Variants in BARHL2 observed in about 807,000 individuals in gnomAD.
The protein encoded by BARHL2 is BarH like homeobox 2, also known as barH-like 2 homeobox protein.
A neutral mutation model predicts 27.1 loss-of-function variants in BARHL2; 10 were observed. The ratio of observed to expected loss-of-function variants is 0.37; its 90% confidence interval spans 0.23 to 0.63. The LOEUF (loss-of-function observed/expected upper bound fraction) is 0.63. BARHL2 is among the 20% of genes least tolerant of loss of function. The pLI is 0.65. For missense variants in BARHL2, 483 were observed against 533.5 expected (o/e 0.91, Z 0.93); for synonymous variants, 248 against 224.7 (o/e 1.10, Z -0.93).
rs369627381 is a variant in BARHL2 at position 90,717,025 on chromosome 1, G to C, written c.171C>G (p.Thr57=). 3 of 1,613,872 alleles carry C rather than the reference G, an allele frequency of 1.9e-6. No homozygotes were observed. The highest frequency in any genetic ancestry group is 4.5e-5 in the East Asian group (2 of 44,840). The part of the protein sequence containing the change: ...ATPSPCSEID[T]VGTAPSSPIS... The stretch of plus-strand genomic sequence containing the variant: ...TAGGAGAAGAAGGCGCCGTCCCTAC[G>C]GTATCAATCTCCGAACAGGGAGATG... The change falls in exon 1 of 3, where the codon ACC becomes ACG. Residue 57 remains threonine (T), a synonymous_variant. Coordinates refer to ENST00000370445, the MANE Select transcript of BARHL2 (RefSeq NM_020063.2).
In BARHL2 at chr1:90,716,998, G is replaced by A. The variant is rs1173144731; in HGVS notation, c.198C>T (p.Ile66=). ...DTVGTAPSSP[I]SVTMEPPEPH... is the part of the protein sequence containing the mutation. ...GCTCCGGGGGCTCCATGGTGACTGA[G>A]ATAGGAGAAGAAGGCGCCGTCCCTA... is the stretch of plus-strand genomic sequence containing the variant. Residue 66 remains isoleucine, a synonymous_variant, in exon 1 of 3, where the codon ATC becomes ATT. Coordinates refer to ENST00000370445, the MANE Select transcript of BARHL2 (RefSeq NM_020063.2). The A allele has an allele frequency of 6.2e-7, 1 of 1,613,878 alleles. No homozygotes were observed.
chr1:90,712,601 G>A lies in BARHL2; in HGVS notation c.875C>T (p.Ala292Val), dbSNP rs964944149. The change falls in exon 3 of 3, where the codon GCG becomes GTG. Residue 292 changes from alanine to valine, a missense_variant. Coordinates refer to ENST00000370445, the MANE Select transcript of BARHL2 (RefSeq NM_020063.2). ...NRRTKWKRQTAVGLELLAEAG... is the reference protein window; with the variant it reads ...NRRTKWKRQTVVGLELLAEAG... The stretch of plus-strand genomic sequence containing the variant: ...CTCGGCCAGCAACTCCAGGCCCACC[G>A]CTGTCTGCCGCTTCCACTTGGTCCT... 1.2e-6 allele frequency: 2 copies of A among 1,608,106 alleles called. No homozygotes were observed. The highest frequency in any genetic ancestry group is 1.7e-6 in the Non-Finnish European group (2 of 1,175,886).
chr1:90,712,082 TG>T lies in BARHL2; in HGVS notation c.*229del, dbSNP rs917268422. 3.6e-5 allele frequency: 15 copies of T among 416,590 alleles called. No individual in the cohort carries two copies. Among genetic ancestry groups the T allele is most frequent in the Non-Finnish European group, 6.3e-5 (15 of 238,972 alleles). The allele number at this position is 416,590 out of a possible 1,614,324, so 25.8% of individuals were successfully genotyped here. On this transcript the variant is annotated 3_prime_UTR_variant, in exon 3 of 3. Transcript: ENST00000370445. Reference sequence around the variant, plus strand: ...AGCATTTTCACCAGTCACACTGCTGTGGGGGAGATTTCCAGCCCTGTTTCTA... The same window carrying T: ...AGCATTTTCACCAGTCACACTGCTGTGGGGAGATTTCCAGCCCTGTTTCTA...
chr1:90,716,866 T>C lies in BARHL2; in HGVS notation c.330A>G (p.Gln110=). The stretch of plus-strand genomic sequence containing the variant: ...GCTGTGGCGGCAGCGGCTGCTGCTG[T>C]TGGGGCAAAGGCTGCAAACTTTGCG... ...APTQSLQPLP[Q]QQQPLPPQQP... Residue 110 remains glutamine (Q), a synonymous_variant, in exon 1 of 3, where the codon CAA becomes CAG. Transcript: ENST00000370445. 5 of 1,565,414 alleles carry C rather than the reference T, an allele frequency of 3.2e-6. No individual in the cohort carries two copies. Among genetic ancestry groups the C allele is most frequent in the Non-Finnish European group, 4.3e-6 (5 of 1,156,542 alleles).
In BARHL2 at chr1:90,717,260, C is replaced by T. The variant is rs1658171850; in HGVS notation, c.-65G>A. On this transcript the variant is annotated 5_prime_UTR_variant, in exon 1 of 3. Coordinates refer to ENST00000370445, the MANE Select transcript of BARHL2 (RefSeq NM_020063.2). ...GCCCCGAACCAGCGAAGAAAGCTAT[C>T]GATCGTAAAACAAAATAAACACCAA... The T allele has an allele frequency of 3.2e-6, 5 of 1,559,728 alleles. No individual in the cohort carries two copies. The East Asian group carries it at 7.0e-5, about 22-fold the overall frequency.
At position 90,716,981 on chromosome 1, in the gene BARHL2, G is replaced by T. The variant is rs1465957288; in HGVS notation, c.215C>A (p.Pro72His). The stretch of plus-strand genomic sequence containing the variant: ...GTCTGCTACCAGATGCGGCTCCGGG[G>T]GCTCCATGGTGACTGAGATAGGAGA... ...PSSPISVTME[P>H]PEPHLVADAT... is the part of the protein sequence containing the mutation. Residue 72 changes from proline (P) to histidine (H), a missense_variant, in exon 1 of 3, where the codon CCC (proline) becomes CAC (histidine). Pro to His is a moderately conservative substitution (Grantham distance 77, BLOSUM62 -2). Coordinates refer to ENST00000370445, the MANE Select transcript of BARHL2 (RefSeq NM_020063.2). The T allele has an allele frequency of 6.2e-7, 1 of 1,613,510 alleles. No homozygotes were observed. The highest frequency in any genetic ancestry group is 8.5e-7 in the Non-Finnish European group (1 of 1,179,836).
intron 2 of BARHL2, among the ~76,000 whole-genome samples, chr1:90,713,830 G>C (rs970660876): frequency 2.6e-5 from 4 of 152,240 alleles, no homozygotes; most frequent in African/African-American, 9.6e-5. Flanking sequence ...AGCAGTGCCA[G>C]GCAGGCTCTG....
chr1:90,713,964 C>A (rs4146668), intron 2 of BARHL2, among the ~76,000 whole-genome samples: 13,583 of 152,268 alleles, frequency 0.089, 1,234 homozygotes, highest in East Asian at 0.24. Context: ...GGCTGCCAAA[C>A]CTACTCTAAC....
At position 90,714,638 on chromosome 1, in the gene BARHL2, C is replaced by T. The variant is rs1557467176; in HGVS notation, c.744G>A (p.Glu248=). The T allele has an allele frequency of 3.1e-6, 5 of 1,614,132 alleles. No individual in the cohort carries two copies. The highest frequency in any genetic ancestry group is 1.3e-5 in the African/African-American group (1 of 74,944). The part of the protein sequence containing the change: ...AFSDHQLNQL[E]RSFERQKYLS... ...GGTACTTCTGCCGCTCAAAGCTACG[C>T]TCCAGTTGATTGAGCTGGTGGTCGG... The change falls in exon 2 of 3, where the codon GAG becomes GAA. Residue 248 remains glutamate (E), a synonymous_variant. Transcript: ENST00000370445.
intron 2 of BARHL2, 62 bp from the exon 3 acceptor site, chr1:90,712,686 C>G (rs923041135): frequency 4.7e-6 from 7 of 1,479,104 alleles, no homozygotes; most frequent in Non-Finnish European, 5.4e-6. Context: ...CACCAAGACC[C>G]GGCCCCTTCT....
rs373178647 is a variant in BARHL2 at position 90,717,156 on chromosome 1, C to A, written c.40G>T (p.Asp14Tyr). The A allele has an allele frequency of 7.7e-5, 124 of 1,613,614 alleles. No homozygotes were observed. The highest frequency in any genetic ancestry group is 1.0e-4 in the Non-Finnish European group (122 of 1,179,944). The change falls in exon 1 of 3, where the codon GAC becomes TAC. Residue 14 changes from aspartate to tyrosine, a missense_variant. Physicochemically the swap from Asp to Tyr is radical, Grantham distance 160. Around this residue, in one of 3 missense-constraint regions of BARHL2, gnomAD observed 304 missense variants for 284.9 expected, o/e 1.07. Coordinates refer to ENST00000370445, the MANE Select transcript of BARHL2 (RefSeq NM_020063.2). ...GAACTGGCACTGGACAAAATCGTGT[C>A]TATTCCAAAACTCGACCCGCTGGCC... ...EGASGSSFGI[D>Y]TILSSASSGS... is the part of the protein sequence containing the mutation.
rs1429052932 is a variant in BARHL2, at chr1:90,711,885, C to T, written c.*427G>A. On this transcript the variant is annotated 3_prime_UTR_variant, in exon 3 of 3. Coordinates refer to ENST00000370445, the MANE Select transcript of BARHL2 (RefSeq NM_020063.2). ...CTTTGCCTCAGCACTTGAGGCTGTCCATATATAGTTCACTCTGCCTGTGCT... is the reference window on the plus strand; with the variant it reads ...CTTTGCCTCAGCACTTGAGGCTGTCTATATATAGTTCACTCTGCCTGTGCT... 2 of 154,768 alleles carry T rather than the reference C, an allele frequency of 1.3e-5. No individual in the cohort carries two copies. The highest frequency in any genetic ancestry group is 4.8e-5 in the African/African-American group (2 of 41,502). 9.6% of individuals were successfully genotyped at this position (154,768 alleles called of 1,614,324 possible). A position where few individuals can be genotyped will look rare whatever the true frequency, so the allele number is the denominator to read the frequency against.
chr1:90,715,951 A>C (rs1026731560), intron 1 of BARHL2, among the ~76,000 whole-genome samples: 10 of 152,286 alleles, frequency 6.6e-5, no homozygotes, highest in African/African-American at 2.4e-4. Flanking sequence ...GGATACAGAT[A>C]CTCAGTTGAG....
At position 90,716,117 on chromosome 1, in the gene BARHL2, G is replaced by GT. The variant is rs34288274; in HGVS notation, c.625+453_625+454insA. ...TGTGATGATGTTAAGAAAATAAAGTGGGGGGGGGGTGAAATCACTTGTACT... is the reference window on the plus strand; with the variant it reads ...TGTGATGATGTTAAGAAAATAAAGTGTGGGGGGGGGTGAAATCACTTGTACT... On this transcript the variant is annotated intron_variant, in intron 1 of 2. Transcript: ENST00000370445. Among the ~76,000 whole-genome samples the GT allele has an allele frequency of 9.5e-5, 3 of 31,626 alleles. 1 individual carries two copies. In the East Asian group the frequency reaches 1.8e-3, roughly 19 times the overall value. 20.7% of individuals were successfully genotyped at this position (31,626 alleles called of 152,430 possible). A position where few individuals can be genotyped will look rare whatever the true frequency, so the allele number is the denominator to read the frequency against.
rs201396859 is a variant in BARHL2 at position 90,716,678 on chromosome 1, T to C, written c.518A>G (p.Gln173Arg). 49 of 1,613,226 alleles carry C rather than the reference T, an allele frequency of 3.0e-5. No homozygotes were observed. The Admixed American group carries it at 5.5e-4, about 18-fold the overall frequency. The stretch of plus-strand genomic sequence containing the variant: ...GCTCTCGTGCACTGCGTTGCTCTCC[T>C]GCTTCGGGGTGTGGTGGGGAGAGGA... ...SVSSPHHTPK[Q>R]ESNAVHESFR... Residue 173 changes from glutamine to arginine, a missense_variant, in exon 1 of 3, where the codon CAG becomes CGG. Gln to Arg is a conservative substitution (Grantham distance 43, BLOSUM62 1). Coordinates refer to ENST00000370445, the MANE Select transcript of BARHL2 (RefSeq NM_020063.2).
chr1:90,712,480 C>A lies in BARHL2; in HGVS notation c.996G>T (p.Ala332=). The change falls in exon 3 of 3, where the codon GCG becomes GCT. Residue 332 remains alanine (A), a synonymous_variant. Transcript: ENST00000370445. ...LGSMDSTTAA[A]AAAAMYSSMY... ...TGCTGCTGTACATGGCAGCGGCAGCCGCCGCCGCCGTAGTGCTGTCCATGC... is the reference window on the plus strand; with the variant it reads ...TGCTGCTGTACATGGCAGCGGCAGCAGCCGCCGCCGTAGTGCTGTCCATGC... 1 of 1,609,754 alleles carries A rather than the reference C, an allele frequency of 6.2e-7. No homozygotes were observed. Among genetic ancestry groups the A allele is most frequent in the Non-Finnish European group, 8.5e-7 (1 of 1,178,474 alleles).
chr1:90,712,153 T>G lies in BARHL2; in HGVS notation c.*159A>C. On this transcript the variant is annotated 3_prime_UTR_variant, in exon 3 of 3. Transcript: ENST00000370445. ...CAGAGGGCTGGCTCCTCTTTGGGGG[T>G]CCCCTGCCCACTGGTAAGCATCTTC... The G allele has an allele frequency of 1.4e-6, 1 of 718,426 alleles. No individual in the cohort carries two copies. Among genetic ancestry groups the G allele is most frequent in the Non-Finnish European group, 2.0e-6 (1 of 492,350 alleles). 44.5% of individuals were successfully genotyped at this position (718,426 alleles called of 1,614,324 possible).
At chr1:90,716,188 G>C (rs1227736935) in intron 1 of BARHL2, among the ~76,000 whole-genome samples, 1 of 151,916 alleles carries the variant, frequency 6.6e-6, no homozygotes, top group African/African-American at 2.4e-5. Flanking sequence ...TAGCTAAGTG[G>C]TTTCTCTCTC....
At chr1:90,714,484 G>C (rs1658103031) in intron 2 of BARHL2, 47 bp downstream of exon 2, 1 of 1,539,678 alleles carries the variant, frequency 6.5e-7, no homozygotes, top group Non-Finnish European at 9.0e-7. Flanking sequence ...TAATGATCAT[G>C]ACTTAAATGG....
Sources: gnomAD v4.1 joint callset for allele counts (sites outside exome capture counted in the v4.1 genomes callset) on GRCh38, gnomAD v4.1.1 for gene constraint, gnomAD v4.1.1 regional missense constraint, MANE v1.5 for transcripts, NCBI Gene and HGNC (gene_info 2026-07-23, HGNC 2026-07-21) for gene names.